C20orf204: variants seen among roughly 807,000 people sequenced by gnomAD.
C20orf204 encodes the protein uncharacterized protein C20orf204.
C20orf204 carries 6 observed loss-of-function variants against 3.6 expected under a neutral mutation model. That is an observed-to-expected ratio of 1.68 (90% CI 0.92 to 3.31). The LOEUF is 3.31. C20orf204 is among the 30% of genes most tolerant of loss of function. C20orf204 has a pLI of 0.00. For synonymous variants in C20orf204, 80 were observed against 41.4 expected (o/e 1.93, Z -3.58); for missense variants, 167 against 89.7 (o/e 1.86, Z -3.48).
chr20:64,034,108 C>T (rs1198510730), upstream of C20orf204, among the ~76,000 whole-genome samples: 7 of 152,068 alleles, frequency 4.6e-5, no homozygotes, highest in African/African-American at 9.7e-5. Flanking sequence ...GGCCAGCGGG[C>T]GGGGAGGAGG....
chr20:64,033,907 T>C (rs1244917402), upstream of C20orf204, among the ~76,000 whole-genome samples: 1 of 152,226 alleles, frequency 6.6e-6, no homozygotes, highest in Non-Finnish European at 1.5e-5. Flanking sequence ...CATCTCTAGG[T>C]TGAACGTTGA....
At chr20:64,038,260 C>A in intron 2 of C20orf204, 36 bp from the exon 3 acceptor site, 2 of 742,538 alleles carry the variant, frequency 2.7e-6, no homozygotes, top group Middle Eastern at 2.8e-4. Flanking sequence ...CAGTTTCCCC[C>A]CACCCCCACC....
intron 2 of C20orf204, 33 bp from the exon 3 acceptor site, chr20:64,038,263 C>G (rs780944980): frequency 5.4e-6 from 4 of 744,348 alleles, no homozygotes; most frequent in Non-Finnish European, 1.0e-5. Flanking sequence ...TTTCCCCCCA[C>G]CCCCACCCCG....
upstream of C20orf204, among the ~76,000 whole-genome samples, chr20:64,033,953 T>C (rs765958892): frequency 6.6e-6 from 1 of 152,240 alleles, no homozygotes; most frequent in Non-Finnish European, 1.5e-5. Context: ...CAGCCTTAGC[T>C]GTGTAAGGAT....
rs146376581 is a variant in C20orf204 at position 64,036,537 on chromosome 20, C to A, written c.3+211C>A. On this transcript the variant is annotated intron_variant, in intron 1 of 3. Transcript: ENST00000636176. ...GGGGGGCTCCTGGGTGCCGGGCAACCCTGTTCTAAGCTGGGCTGAGGCTTG... is the reference window on the plus strand; with the variant it reads ...GGGGGGCTCCTGGGTGCCGGGCAACACTGTTCTAAGCTGGGCTGAGGCTTG... The A allele has an allele frequency of 2.2e-3, 336 of 152,812 alleles. 1 individual carries two copies. Among genetic ancestry groups the A allele is most frequent in the Middle Eastern group, 3.4e-3 (1 of 298 alleles). 9.5% of individuals were successfully genotyped at this position (152,812 alleles called of 1,614,324 possible).
At chr20:64,033,802 C>T (rs1177934435), upstream of C20orf204, among the ~76,000 whole-genome samples, 1 of 152,188 alleles carries the variant, frequency 6.6e-6, no homozygotes, top group Non-Finnish European at 1.5e-5. Context: ...CCACCGCACC[C>T]GGCCGTGAGT....
intron 1 of C20orf204, 64 bp from the exon 2 acceptor site, chr20:64,037,863 G>A: frequency 2.5e-6 from 1 of 405,890 alleles, no homozygotes; most frequent in Non-Finnish European, 4.4e-6. Context: ...AGTGCAGGTG[G>A]GCTGGCTGCT....
chr20:64,037,516 G>A (rs1043934218), intron 1 of C20orf204: 16 of 171,772 alleles, frequency 9.3e-5, no homozygotes, highest in Non-Finnish European at 1.7e-4. Flanking sequence ...CTGGTGGGGG[G>A]CCCTGCTCTG....
intron 1 of C20orf204, chr20:64,037,673 A>G (rs2059342643): frequency 1.6e-5 from 6 of 383,054 alleles, no homozygotes; most frequent in Admixed American, 4.5e-5. Flanking sequence ...GACATCACTC[A>G]CCCCTTTCAC....
intron 1 of C20orf204, 98 bp downstream of exon 1, chr20:64,036,424 C>T (rs1389024334): frequency 6.6e-6 from 1 of 152,430 alleles, no homozygotes; most frequent in Non-Finnish European, 1.5e-5. Context: ...CCCCTGAGCC[C>T]CACCAGGAAA....
rs371310607 is a variant in C20orf204, at chr20:64,038,858, C to T, written c.*99C>T. ...CTGTAGACTTGTTGGTGACCTCGGCCCCTCGCTCGACGCAGCCCGCGCTCC... is the reference window on the plus strand; with the variant it reads ...CTGTAGACTTGTTGGTGACCTCGGCTCCTCGCTCGACGCAGCCCGCGCTCC... On this transcript the variant is annotated 3_prime_UTR_variant, in exon 4 of 4. Transcript: ENST00000636176. 2.1e-4 allele frequency: 153 copies of T among 726,766 alleles called. No homozygotes were observed. Among genetic ancestry groups the T allele is most frequent in the Non-Finnish European group, 3.2e-4 (124 of 391,876 alleles). The allele number at this position is 726,766 out of a possible 1,614,324, so 45.0% of individuals were successfully genotyped here.
At chr20:64,038,514 C>T (rs2059347426) in intron 3 of C20orf204, 66 bp downstream of exon 3, 1 of 608,176 alleles carries the variant, frequency 1.6e-6, no homozygotes, top group Non-Finnish European at 2.9e-6. Flanking sequence ...CCGCGCGTCC[C>T]GGGGCTCCAC....
In C20orf204 at chr20:64,038,187, C is replaced by T; in HGVS notation, c.264C>T (p.Ser88=). The part of the protein sequence containing the change: ...SSGRRGRPRA[S]CGAQKEHSIL... ...GACGGCGGGGACGGCCTCGGGCCTC[C>T]TGTGGCGCCCAGAAGGTATGGAGGA... Residue 88 remains serine (S), a synonymous_variant, in exon 2 of 4, where the codon TCC becomes TCT. Coordinates refer to ENST00000636176, the MANE Select transcript of C20orf204 (RefSeq NM_001387010.1). 1 of 635,960 alleles carries T rather than the reference C, an allele frequency of 1.6e-6. No individual in the cohort carries two copies. The highest frequency in any genetic ancestry group is 1.8e-5 in the South Asian group (1 of 55,714). The allele number at this position is 635,960 out of a possible 1,614,324, so 39.4% of individuals were successfully genotyped here. A position where few individuals can be genotyped will look rare whatever the true frequency, so the allele number is the denominator to read the frequency against.
Position 64,038,756 on chromosome 20 carries a change from C to G in C20orf204, c.567C>G (p.Ser189=). The G allele has an allele frequency of 1.4e-6, 1 of 695,948 alleles. No homozygotes were observed. Among genetic ancestry groups the G allele is most frequent in the Non-Finnish European group, 2.7e-6 (1 of 376,848 alleles). The allele number at this position is 695,948 out of a possible 1,614,324, so 43.1% of individuals were successfully genotyped here. A position where few individuals can be genotyped will look rare whatever the true frequency, so the allele number is the denominator to read the frequency against. ...TGCGCGCCCCGGCCTCCAGGGACTC[C>G]TAGCGCGGCCCGTCCTGGCCCTGCG... ...FALRAPASRD[S] Residue 189 remains serine, a synonymous_variant, in exon 4 of 4, where the codon TCC becomes TCG. Transcript: ENST00000636176.
In C20orf204 at chr20:64,038,384, C is replaced by G; in HGVS notation, c.368C>G (p.Ala123Gly). 1.3e-6 allele frequency: 1 copy of G among 770,472 alleles called. No individual in the cohort carries two copies. The allele number at this position is 770,472 out of a possible 1,614,324, so 47.7% of individuals were successfully genotyped here. ...GGCCGCCGCGGGGCCCTGGAGAGAG[C>G]TGCTTGGACCGTGGCTGTGCGCACC... ...AGGRRGALERAAWTVAVRTEA... is the reference protein window; with the variant it reads ...AGGRRGALERGAWTVAVRTEA... The change falls in exon 3 of 4, where the codon GCT (alanine) becomes GGT (glycine). Residue 123 changes from alanine to glycine, a missense_variant. Transcript: ENST00000636176.
chr20:64,036,415 C>G (rs1318814250), intron 1 of C20orf204, 89 bp downstream of exon 1: 2 of 152,474 alleles, frequency 1.3e-5, no homozygotes, highest in East Asian at 3.9e-4. Context: ...CTGCTTGTTC[C>G]CCTGAGCCCC....
chr20:64,037,147 C>T (rs1424242133), intron 1 of C20orf204: 2 of 152,274 alleles, frequency 1.3e-5, no homozygotes, highest in African/African-American at 4.8e-5. Flanking sequence ...CGGGGGAGGC[C>T]TGTGGCACAG....
Position 64,038,678 on chromosome 20 carries a change from C to A in C20orf204, c.489C>A (p.Leu163=). Reference sequence around the variant, plus strand: ...GGCGTCGCGGCGGCCGAAGGCAGCTCCTGCTGCGCGCCCTGGACGCCGTCG... The same window carrying A: ...GGCGTCGCGGCGGCCGAAGGCAGCTACTGCTGCGCGCCCTGGACGCCGTCG... The part of the protein sequence containing the change: ...PARRRGGRRQ[L]LLRALDAVAT... Residue 163 remains leucine, a synonymous_variant, in exon 4 of 4, where the codon CTC becomes CTA. Coordinates refer to ENST00000636176, the MANE Select transcript of C20orf204 (RefSeq NM_001387010.1). 1 of 656,824 alleles carries A rather than the reference C, an allele frequency of 1.5e-6. No individual in the cohort carries two copies. The highest frequency in any genetic ancestry group is 2.7e-6 in the Non-Finnish European group (1 of 364,654). The allele number at this position is 656,824 out of a possible 1,614,324, so 40.7% of individuals were successfully genotyped here.
chr20:64,036,925 G>A (rs945863396), intron 1 of C20orf204: 4 of 152,362 alleles, frequency 2.6e-5, no homozygotes, highest in Non-Finnish European at 4.4e-5. Context: ...AGGCTCCCCT[G>A]ACAGGGCTAG....
Sources: gnomAD v4.1 joint callset for allele counts (sites outside exome capture counted in the v4.1 genomes callset) on GRCh38, gnomAD v4.1.1 for gene constraint, MANE v1.5 for transcripts, NCBI Gene and HGNC (gene_info 2026-07-23, HGNC 2026-07-21) for gene names.